The following RTN3 variants were observed in gnomAD, a reference collection of about 807,000 sequenced individuals.
RTN3 encodes the protein reticulon 3.
RTN3 carries 49 observed loss-of-function variants against 77.8 expected under a neutral mutation model. The observed-to-expected ratio is 0.63, with a 90% confidence interval of 0.50 to 0.80. The LOEUF is 0.80. Ranked by LOEUF, RTN3 falls within the 30% of genes least tolerant of loss-of-function variation. The probability of loss-of-function intolerance (pLI) is 0.00; values close to 1 mark genes in which losing one functional copy is unlikely to be tolerated. For missense variants in RTN3, 1,236 were observed against 1,211.9 expected, an observed-to-expected ratio of 1.02 and a Z score of -0.29; for synonymous variants, 464 against 446.9, an observed-to-expected ratio of 1.04 and a Z score of -0.48.
In RTN3 at chr11:63,720,742, C is replaced by G. The variant is rs1481710593; in HGVS notation, c.2240C>G (p.Ala747Gly). The G allele has an allele frequency of 6.2e-7, 1 of 1,614,038 alleles. No individual in the cohort carries two copies. The highest frequency in any genetic ancestry group is 8.5e-7 in the Non-Finnish European group (1 of 1,180,040). Reference sequence around the variant, plus strand: ...GAACAAGAACAGCTCACAATTAAGGCTCTTAAAGAATTAGGTGAAAGACAG... The same window carrying G: ...GAACAAGAACAGCTCACAATTAAGGGTCTTAAAGAATTAGGTGAAAGACAG... ...DLEQEQLTIK[A>G]LKELGERQVE... The change falls in exon 3 of 9, where the codon GCT becomes GGT. Residue 747 changes from alanine to glycine, a missense_variant. This residue lies in a region of RTN3 where 1,056 missense variants were observed against 990.4 expected (regional missense o/e 1.07). Transcript: ENST00000377819.
chr11:63,708,304 C>T (rs1271757702), intron 2 of RTN3, among the ~76,000 whole-genome samples: 1 of 151,854 alleles, frequency 6.6e-6, no homozygotes, highest in East Asian at 1.9e-4. Context: ...TTTATATACC[C>T]CAATCATATT....
At chr11:63,696,158 G>C (rs1447667770) in intron 1 of RTN3, among the ~76,000 whole-genome samples, 1 of 151,664 alleles carries the variant, frequency 6.6e-6, no homozygotes, top group African/African-American at 2.4e-5. Context: ...GCTCATGCCT[G>C]TAATCCTAGC....
At chr11:63,707,580 T>G (rs1320832176) in intron 2 of RTN3, among the ~76,000 whole-genome samples, 1 of 152,060 alleles carries the variant, frequency 6.6e-6, no homozygotes, top group Non-Finnish European at 1.5e-5. Context: ...ACACCTGTAA[T>G]CCTAGCACTT....
At chr11:63,724,526 G>A (rs1387863987) in intron 3 of RTN3, among the ~76,000 whole-genome samples, 9 of 93,894 alleles carry the variant, frequency 9.6e-5, no homozygotes, top group Admixed American at 8.3e-4. Context: ...GAGTCTCACC[G>A]TGTTGCCCAG....
At chr11:63,714,941 T>C (rs1301532175) in intron 2 of RTN3, among the ~76,000 whole-genome samples, 1 of 152,174 alleles carries the variant, frequency 6.6e-6, no homozygotes, top group Non-Finnish European at 1.5e-5. Flanking sequence ...CTTGAAACTT[T>C]TGGAGTATTA....
At chr11:63,738,222 CA>C (rs1190893890) in intron 3 of RTN3, among the ~76,000 whole-genome samples, 2 of 152,116 alleles carry the variant, frequency 1.3e-5, no homozygotes, top group Non-Finnish European at 2.9e-5. Flanking sequence ...GGTTATAAAA[CA>C]TGGCCTTTTT....
In RTN3 at chr11:63,720,709, T is replaced by C. The variant is rs748001445; in HGVS notation, c.2207T>C (p.Leu736Pro). ...ACCCAAGGTACTCCAGTAGCATCTC[T>C]TGACTTAGAACAAGAACAGCTCACA... is the stretch of plus-strand genomic sequence containing the variant. Reference protein sequence around the residue: ...FPTQGTPVASLDLEQEQLTIK... With the variant: ...FPTQGTPVASPDLEQEQLTIK... The change falls in exon 3 of 9, where the codon CTT becomes CCT. Residue 736 changes from leucine to proline, a missense_variant. By Grantham distance (98) the Leu-to-Pro change is moderately conservative. Around this residue, in one of 3 missense-constraint regions of RTN3, gnomAD observed 1,056 missense variants for 990.4 expected, o/e 1.07. Transcript: ENST00000377819. 9.9e-6 allele frequency: 16 copies of C among 1,614,012 alleles called. No homozygotes were observed. The highest frequency in any genetic ancestry group is 1.4e-5 in the Non-Finnish European group (16 of 1,179,974).
intron 1 of RTN3, among the ~76,000 whole-genome samples, chr11:63,691,065 T>G (rs1941629472): frequency 6.6e-6 from 1 of 152,030 alleles, no homozygotes. Flanking sequence ...ATTAATCTGC[T>G]TTCTGACTCT....
rs971334276 is a variant in RTN3, at chr11:63,719,025, C to T, written c.523C>T (p.Gln175Ter). The T allele has an allele frequency of 1.2e-6, 2 of 1,613,988 alleles. No individual in the cohort carries two copies. Among genetic ancestry groups the T allele is most frequent in the Non-Finnish European group, 1.7e-6 (2 of 1,180,036 alleles). The change falls in exon 3 of 9, where the codon CAA becomes TAA. Residue 175 changes from glutamine to a stop codon, truncating the protein, a stop_gained. Transcript: ENST00000377819. LOFTEE classifies it high-confidence loss of function. ...HPAFLSKKIGQVEEQIDKETK... is the reference protein window; with the variant it reads ...HPAFLSKKIG ...TGCTTTTCTCTCAAAGAAAATTGGTCAAGTGGAAGAGCAAATAGATAAAGA... is the reference window on the plus strand; with the variant it reads ...TGCTTTTCTCTCAAAGAAAATTGGTTAAGTGGAAGAGCAAATAGATAAAGA...
chr11:63,735,598 C>CTCTCTCTCTT (rs1238903324), intron 3 of RTN3, among the ~76,000 whole-genome samples: 5 of 147,874 alleles, frequency 3.4e-5, no homozygotes, highest in Admixed American at 6.8e-5. Context: ...CTCTCTCTCT[C>CTCTCTCTCTT]TCTTTCTTTC....
chr11:63,681,457 C>A, upstream of RTN3: 1 of 565,252 alleles, frequency 1.8e-6, no homozygotes, highest in Non-Finnish European at 2.7e-6. Context: ...TGCGCATGCG[C>A]GCTCGCGCTC....
At chr11:63,745,343 C>T (rs899455433) in intron 3 of RTN3, among the ~76,000 whole-genome samples, 6 of 152,146 alleles carry the variant, frequency 3.9e-5, no homozygotes, top group Non-Finnish European at 7.3e-5. Context: ...TTTAAGCATT[C>T]GGTAACAACT....
At chr11:63,740,448 ATTTTTTTTTTT>A (rs34045543) in intron 3 of RTN3, among the ~76,000 whole-genome samples, 1 of 120,754 alleles carries the variant, frequency 8.3e-6, no homozygotes, top group Non-Finnish European at 1.7e-5. Context: ...TGCCTGGCTA[ATTTTTTTTTTT>A]TTTTTTTTTT....
intron 1 of RTN3, among the ~76,000 whole-genome samples, chr11:63,684,419 A>G (rs1374512636): frequency 6.6e-6 from 1 of 151,330 alleles, no homozygotes; most frequent in Non-Finnish European, 1.5e-5. Context: ...AATGCTGGGA[A>G]TACAGGCATG....
intron 4 of RTN3, among the ~76,000 whole-genome samples, chr11:63,752,193 G>A (rs1590891490): frequency 6.7e-6 from 1 of 148,668 alleles, no homozygotes; most frequent in Admixed American, 6.7e-5. Context: ...AAAGTACCTT[G>A]TTTTTATGTG....
intron 7 of RTN3, 110 bp from the exon 8 acceptor site, chr11:63,756,002 A>G: frequency 1.4e-6 from 1 of 734,296 alleles, no homozygotes. Flanking sequence ...CATTTTCTAC[A>G]CTGGTCAGTC....
In RTN3 at chr11:63,740,526, T is replaced by C. The variant is rs1388914589; in HGVS notation, c.2531-9465T>C. 3.3e-5 allele frequency among the ~76,000 whole-genome samples: 5 copies of C among 149,830 alleles called. No individual in the cohort carries two copies. In the East Asian group the frequency reaches 9.8e-4, roughly 29 times the overall value. ...GTTGGCCTGGCTGATCTCAAACTCC[T>C]GACCTCGTGATCCATCTGCCTCGGC... On this transcript the variant is annotated intron_variant, in intron 3 of 8. Coordinates refer to ENST00000377819, the MANE Select transcript of RTN3 (RefSeq NM_001265589.2).
rs2011642444 is a variant in RTN3, at chr11:63,720,038, A to G, written c.1536A>G (p.Thr512=). The change falls in exon 3 of 9, where the codon ACA becomes ACG. Residue 512 remains threonine (T), a synonymous_variant. Transcript: ENST00000377819. ...DTVIEDITAD[T]SFENNKIQAE... ...TAATAGAGGACATCACAGCAGATAC[A>G]TCATTTGAAAATAACAAAATTCAGG... The G allele has an allele frequency of 6.2e-7, 1 of 1,614,054 alleles. No individual in the cohort carries two copies. The highest frequency in any genetic ancestry group is 8.5e-7 in the Non-Finnish European group (1 of 1,180,038).
At chr11:63,697,185 C>T (rs746982515) in intron 1 of RTN3, among the ~76,000 whole-genome samples, 34 of 151,356 alleles carry the variant, frequency 2.2e-4, no homozygotes, top group Non-Finnish European at 4.3e-4. Context: ...CGCCCGGCCC[C>T]GTTGCTATTT....
Sources: allele counts gnomAD v4.1 joint callset (sites outside exome capture counted in the v4.1 genomes callset), GRCh38; gene constraint gnomAD v4.1.1; regional missense constraint gnomAD v4.1.1; transcripts MANE v1.5; gene names NCBI Gene and HGNC (gene_info 2026-07-23, HGNC 2026-07-21).